The following YWHAE variants were observed in gnomAD, a reference collection of about 807,000 sequenced individuals.
YWHAE encodes tyrosine 3-monooxygenase/tryptophan 5-monooxygenase activation protein epsilon.
Under a neutral mutation model 30.1 loss-of-function variants are expected in YWHAE, and 4 were observed. That is an observed-to-expected ratio of 0.13 (90% CI 0.07 to 0.30). YWHAE has a LOEUF of 0.30. YWHAE is among the 10% of genes least tolerant of loss of function. The probability of loss-of-function intolerance (pLI) is 1.00; values close to 1 mark genes in which losing one functional copy is unlikely to be tolerated. For missense variants in YWHAE, 121 were observed against 315.9 expected, an observed-to-expected ratio of 0.38 and a Z score of 4.68; for synonymous variants, 118 against 111.8, an observed-to-expected ratio of 1.06 and a Z score of -0.35.
intron 4 of YWHAE, among the ~76,000 whole-genome samples, chr17:1,359,529 G>A (rs2072818345): frequency 6.6e-6 from 1 of 152,174 alleles, no homozygotes; most frequent in East Asian, 1.9e-4. Flanking sequence ...TAAAAGGACT[G>A]AAGCTCTGAT....
chr17:1,397,125 C>T (rs1183814370), intron 1 of YWHAE, among the ~76,000 whole-genome samples: 1 of 152,060 alleles, frequency 6.6e-6, no homozygotes, highest in Non-Finnish European at 1.5e-5. Context: ...TCTTGAACTC[C>T]CGACCTCAGG....
At position 1,400,020 on chromosome 17, in the gene YWHAE, C is replaced by T. The variant is rs200579487; in HGVS notation, c.64+27G>A. ...GCGGCGGCAGAGGGTCCGAGAATTC[C>T]AGCCCCCCGTTGCCCCCCCAACTCA... On this transcript the variant is annotated intron_variant, in intron 1 of 5. Coordinates refer to ENST00000264335, the MANE Select transcript of YWHAE (RefSeq NM_006761.5). 2.8e-4 allele frequency: 451 copies of T among 1,611,042 alleles called. 2 individuals are homozygous for T. In the African/African-American group the frequency reaches 5.3e-3, roughly 19 times the overall value.
chr17:1,385,915 A>G (rs1454629518), intron 1 of YWHAE, among the ~76,000 whole-genome samples: 1 of 152,014 alleles, frequency 6.6e-6, no homozygotes, highest in Non-Finnish European at 1.5e-5. Context: ...AGTCTCCACA[A>G]AAAAGGGGGA....
intron 1 of YWHAE, among the ~76,000 whole-genome samples, chr17:1,377,524 A>C (rs1487128774): frequency 6.6e-6 from 1 of 152,144 alleles, no homozygotes; most frequent in Non-Finnish European, 1.5e-5. Context: ...TGAGACAGGA[A>C]GATCGCTTGA....
At chr17:1,379,861 TA>T (rs770967511) in intron 1 of YWHAE, among the ~76,000 whole-genome samples, 3 of 152,212 alleles carry the variant, frequency 2.0e-5, no homozygotes, top group Non-Finnish European at 2.9e-5. Flanking sequence ...ACATGTAAAT[TA>T]TACTTTGTGT....
In YWHAE at chr17:1,394,436, C is replaced by CAAAAAAAAAAAA. The variant is rs544115909; in HGVS notation, c.64+5599_64+5610dup. Among the ~76,000 whole-genome samples, 58 of 58,546 alleles carry CAAAAAAAAAAAA rather than the reference C, an allele frequency of 9.9e-4. 2 individuals are homozygous for CAAAAAAAAAAAA. The highest frequency in any genetic ancestry group is 4.0e-3 in the African/African-American group (45 of 11,338). 38.4% of individuals were successfully genotyped at this position (58,546 alleles called of 152,430 possible). On this transcript the variant is annotated intron_variant, in intron 1 of 5. Coordinates refer to ENST00000264335, the MANE Select transcript of YWHAE (RefSeq NM_006761.5). ...GGGCAACATAGAGACCTCAAATCCACAAAAAAAAAAAAAAAAAAAAAAAAA... is the reference window on the plus strand; with the variant it reads ...GGGCAACATAGAGACCTCAAATCCACAAAAAAAAAAAAAAAAAAAAAAAAAAAAAAAAAAAAA...
chr17:1,345,685 TG>T (rs2150833548), intron 5 of YWHAE, among the ~76,000 whole-genome samples, 186 bp from the exon 6 acceptor site: 1 of 152,266 alleles, frequency 6.6e-6, no homozygotes, highest in Non-Finnish European at 1.5e-5. Context: ...ATTATGGTCC[TG>T]AAAGTATTTA....
intron 1 of YWHAE, among the ~76,000 whole-genome samples, chr17:1,387,187 G>A (rs1206503594): frequency 6.6e-6 from 1 of 152,324 alleles, no homozygotes; most frequent in East Asian, 1.9e-4. Context: ...ATGACACAAA[G>A]ATTAAAAAAC....
intron 2 of YWHAE, among the ~76,000 whole-genome samples, chr17:1,363,748 G>C (rs893699057): frequency 6.6e-6 from 1 of 152,138 alleles, no homozygotes; most frequent in Non-Finnish European, 1.5e-5. Flanking sequence ...TACAGCTGGC[G>C]AGTCAGTAAC....
chr17:1,355,208 G>A (rs1482965220), intron 4 of YWHAE, among the ~76,000 whole-genome samples: 4 of 122,900 alleles, frequency 3.3e-5, no homozygotes, highest in African/African-American at 6.4e-5. Context: ...CCAGGCTGGA[G>A]TGCAGTGGCG....
Position 1,344,415 on chromosome 17 carries a change from G to C in YWHAE, c.*1032C>G, listed in dbSNP as rs974112965. On this transcript the variant is annotated 3_prime_UTR_variant, in exon 6 of 6. Transcript: ENST00000264335. The stretch of plus-strand genomic sequence containing the variant: ...TTTTTTCCAAAACATACATCTTTGG[G>C]AAGCAAACAAATTATTTATGGAAGA... 1 of 178,120 alleles carries C rather than the reference G, an allele frequency of 5.6e-6. No homozygotes were observed. The highest frequency in any genetic ancestry group is 6.3e-5 in the Admixed American group (1 of 15,832). The allele number at this position is 178,120 out of a possible 1,614,324, so 11.0% of individuals were successfully genotyped here.
intron 2 of YWHAE, among the ~76,000 whole-genome samples, 168 bp from the exon 3 acceptor site, chr17:1,362,176 T>C (rs988549315): frequency 3.9e-5 from 6 of 152,104 alleles, no homozygotes; most frequent in African/African-American, 1.4e-4. Context: ...AAAAGCTGCC[T>C]CTAGGTTATA....
chr17:1,359,065 G>C (rs1362531554), intron 4 of YWHAE, among the ~76,000 whole-genome samples: 2 of 151,928 alleles, frequency 1.3e-5, no homozygotes, highest in Non-Finnish European at 2.9e-5. Flanking sequence ...GAACCTGGAA[G>C]GCAGAGGTTG....
intron 1 of YWHAE, among the ~76,000 whole-genome samples, chr17:1,397,957 C>G (rs948602239): frequency 3.3e-5 from 5 of 152,084 alleles, no homozygotes; most frequent in African/African-American, 9.7e-5. Flanking sequence ...GTTCAATAAC[C>G]AATAAGGGCT....
intron 1 of YWHAE, among the ~76,000 whole-genome samples, chr17:1,392,323 C>G (rs755863686): frequency 2.6e-5 from 4 of 152,110 alleles, no homozygotes; most frequent in African/African-American, 4.8e-5. Flanking sequence ...TGCAGTGAAT[C>G]GTTACTGCAT....
chr17:1,345,504 T>TA lies in YWHAE; in HGVS notation c.716-6dup, dbSNP rs746178213. 3.1e-6 allele frequency: 5 copies of TA among 1,613,074 alleles called. No homozygotes were observed. Among genetic ancestry groups the TA allele is most frequent in the Admixed American group, 3.3e-5 (2 of 59,914 alleles). On this transcript the variant is annotated splice_region_variant and splice_polypyrimidine_tract_variant and intron_variant, in intron 5 of 5. Coordinates refer to ENST00000264335, the MANE Select transcript of YWHAE (RefSeq NM_006761.5). Reference sequence around the variant, plus strand: ...CTTCTTTATTCTGCTCTTCACCTGTTAAAAAAGAAAAAAAGTCAATTATTT... The same window carrying TA: ...CTTCTTTATTCTGCTCTTCACCTGTTAAAAAAAGAAAAAAAGTCAATTATTT...
At chr17:1,365,998 AC>A (rs1168178876) in intron 1 of YWHAE, among the ~76,000 whole-genome samples, 3 of 150,918 alleles carry the variant, frequency 2.0e-5, no homozygotes, top group Admixed American at 2.0e-4. Flanking sequence ...GTGGCACATC[AC>A]CAGGTCAAGA....
In YWHAE at chr17:1,361,403, AAT is replaced by A. The variant is rs1323282271; in HGVS notation, c.372-107_372-106del. 9 of 873,096 alleles carry A rather than the reference AAT, an allele frequency of 1.0e-5. No homozygotes were observed. The African/African-American group carries it at 1.6e-4, about 15-fold the overall frequency. The allele number at this position is 873,096 out of a possible 1,614,324, so 54.1% of individuals were successfully genotyped here. The stretch of plus-strand genomic sequence containing the variant: ...TCTATATTATATAAAATGTGACAAA[AAT>A]ATATGTAACAATTAGGTGTACTTCA... On this transcript the variant is annotated intron_variant, in intron 3 of 5. Coordinates refer to ENST00000264335, the MANE Select transcript of YWHAE (RefSeq NM_006761.5).
At chr17:1,359,031 G>C (rs1337041185) in intron 4 of YWHAE, among the ~76,000 whole-genome samples, 1 of 151,890 alleles carries the variant, frequency 6.6e-6, no homozygotes, top group Non-Finnish European at 1.5e-5. Flanking sequence ...AGCTACTTTG[G>C]ATGCTGAGGC....
Sources: gnomAD v4.1 joint callset for allele counts (sites outside exome capture counted in the v4.1 genomes callset) on GRCh38, gnomAD v4.1.1 for gene constraint, MANE v1.5 for transcripts, NCBI Gene and HGNC (gene_info 2026-07-23, HGNC 2026-07-21) for gene names.